Variants in XIRP2 observed in about 807,000 individuals in gnomAD.
The protein encoded by XIRP2 is xin actin-binding repeat-containing protein 2.
In XIRP2, 236 loss-of-function variants were observed where a neutral mutation model predicts 277.0. That is an observed-to-expected ratio of 0.85 (90% CI 0.77 to 0.95). The LOEUF (loss-of-function observed/expected upper bound fraction) is 0.95. Ranked by LOEUF, XIRP2 falls within the 40% of genes least tolerant of loss-of-function variation. The pLI, the probability that XIRP2 is intolerant of heterozygous loss-of-function variation, is 0.00. For synonymous variants in XIRP2, 1,490 were observed against 1,416.5 expected, an observed-to-expected ratio of 1.05 and a Z score of -1.17; for missense variants, 4,640 against 4,157.5, an observed-to-expected ratio of 1.12 and a Z score of -3.19.
intron 1 of XIRP2, among the ~76,000 whole-genome samples, chr2:166,892,808 G>GAT (rs113558500): frequency 0.45 from 64,206 of 143,008 alleles, 14,713 homozygotes; most frequent in East Asian, 0.63. Flanking sequence ...TTTCATAGAA[G>GAT]ATATATATAT....
At chr2:167,035,995 C>T (rs149628547) in intron 2 of XIRP2, among the ~76,000 whole-genome samples, 2 of 152,184 alleles carry the variant, frequency 1.3e-5, no homozygotes, top group Non-Finnish European at 2.9e-5. Flanking sequence ...AGTGTTGACC[C>T]CTTGGGTACA....
intron 3 of XIRP2, among the ~76,000 whole-genome samples, chr2:167,203,422 G>A (rs1693774914): frequency 6.6e-6 from 1 of 152,126 alleles, no homozygotes; most frequent in African/African-American, 2.4e-5. Flanking sequence ...ATGGATTTTT[G>A]GGAAGGTAAC....
chr2:167,122,484 T>C (rs1691083824), intron 2 of XIRP2, among the ~76,000 whole-genome samples: 1 of 152,130 alleles, frequency 6.6e-6, no homozygotes, highest in Non-Finnish European at 1.5e-5. Context: ...GCCCTACCCA[T>C]GGTGAATGGT....
chr2:167,121,510 A>G (rs2105304867), intron 2 of XIRP2, among the ~76,000 whole-genome samples: 1 of 152,328 alleles, frequency 6.6e-6, no homozygotes, highest in South Asian at 2.1e-4. Flanking sequence ...TAGATTTAAA[A>G]GGTTTAGCCA....
chr2:167,243,504 T>C lies in XIRP2; in HGVS notation c.2112T>C (p.Leu704=). 1 of 1,614,080 alleles carries C rather than the reference T, an allele frequency of 6.2e-7. No individual in the cohort carries two copies. Among genetic ancestry groups the C allele is most frequent in the Non-Finnish European group, 8.5e-7 (1 of 1,179,972 alleles). ...TTGAAACTCAACATCTAGATCAACT[T>C]GGACAGCTTCATTCAGTGGATGAGG... is the stretch of plus-strand genomic sequence containing the variant. ...YMFETQHLDQ[L]GQLHSVDEVH... is the part of the protein sequence containing the mutation. The change falls in exon 9 of 11, where the codon CTT becomes CTC. Residue 704 remains leucine, a synonymous_variant. Coordinates refer to ENST00000409195, the MANE Select transcript of XIRP2 (RefSeq NM_152381.6).
chr2:167,100,884 A>C (rs929126124), intron 2 of XIRP2, among the ~76,000 whole-genome samples: 1 of 152,226 alleles, frequency 6.6e-6, no homozygotes, highest in African/African-American at 2.4e-5. Flanking sequence ...TTTGGAAAAG[A>C]TAAAGCAGAA....
chr2:166,924,171 C>A (rs1480418881), intron 2 of XIRP2, among the ~76,000 whole-genome samples: 2 of 151,974 alleles, frequency 1.3e-5, no homozygotes, highest in Non-Finnish European at 2.9e-5. Context: ...ATTAGGAGAT[C>A]CACTTGGGAG....
chr2:166,897,244 T>C (rs1047171014), intron 1 of XIRP2, among the ~76,000 whole-genome samples: 1 of 152,200 alleles, frequency 6.6e-6, no homozygotes, highest in Non-Finnish European at 1.5e-5. Flanking sequence ...CATGTAATTC[T>C]TTCTGCACTG....
chr2:166,895,549 TAGAA>T (rs771092186), intron 1 of XIRP2, among the ~76,000 whole-genome samples: 54 of 152,254 alleles, frequency 3.5e-4, no homozygotes, highest in East Asian at 5.8e-4. Flanking sequence ...TTTCCTCAAT[TAGAA>T]AGAAGGGGAT....
intron 2 of XIRP2, among the ~76,000 whole-genome samples, chr2:166,922,703 C>G (rs1685083941): frequency 6.6e-6 from 1 of 151,562 alleles, no homozygotes; most frequent in Non-Finnish European, 1.5e-5. Context: ...CTGCAGCAAG[C>G]CGAGATCACA....
intron 1 of XIRP2, among the ~76,000 whole-genome samples, chr2:166,899,445 T>C (rs1437187759): frequency 6.6e-6 from 1 of 152,134 alleles, no homozygotes; most frequent in Non-Finnish European, 1.5e-5. Context: ...TTCTTCATGA[T>C]TTTCCTCTTT....
At chr2:167,029,381 C>T (rs1688263474) in intron 2 of XIRP2, among the ~76,000 whole-genome samples, 1 of 152,116 alleles carries the variant, frequency 6.6e-6, no homozygotes, top group Non-Finnish European at 1.5e-5. Context: ...TACGTTCCCT[C>T]AATACCTAGC....
At chr2:167,122,342 G>A (rs1327880010) in intron 2 of XIRP2, among the ~76,000 whole-genome samples, 2 of 152,126 alleles carry the variant, frequency 1.3e-5, no homozygotes, top group African/African-American at 4.8e-5. Context: ...TAAAATGAGA[G>A]CACAGTACAA....
chr2:167,015,309 C>A (rs1322258932), intron 2 of XIRP2, among the ~76,000 whole-genome samples: 3 of 151,878 alleles, frequency 2.0e-5, no homozygotes, highest in Non-Finnish European at 2.9e-5. Context: ...ATCTTCCCTA[C>A]TTTGAGGTGT....
chr2:167,094,078 C>CT (rs1234256934), intron 2 of XIRP2, among the ~76,000 whole-genome samples: 1 of 151,590 alleles, frequency 6.6e-6, no homozygotes, highest in African/African-American at 2.4e-5. Context: ...TGATGATGAG[C>CT]TTTTTTTCAT....
chr2:166,972,088 G>A (rs569967806), intron 2 of XIRP2, among the ~76,000 whole-genome samples: 3 of 152,014 alleles, frequency 2.0e-5, no homozygotes, highest in South Asian at 2.1e-4. Flanking sequence ...CCCACCTCCC[G>A]CCCCATAATG....
At position 166,938,716 on chromosome 2, in the gene XIRP2, T is replaced by A. The variant is rs202242265; in HGVS notation, c.408+34826T>A. Among the ~76,000 whole-genome samples, 88 of 152,332 alleles carry A rather than the reference T, an allele frequency of 5.8e-4. No homozygotes were observed. The East Asian group carries it at 8.7e-3, about 15-fold the overall frequency. ...GGGGTTTTAAAGTCTCCCATTATTA[T>A]TGTGTGGGAGTCTAAGTCTCTTTGT... On this transcript the variant is annotated intron_variant, in intron 2 of 10. Coordinates refer to ENST00000409195, the MANE Select transcript of XIRP2 (RefSeq NM_152381.6).
intron 2 of XIRP2, among the ~76,000 whole-genome samples, chr2:167,010,882 G>T (rs1687657265): frequency 6.6e-6 from 1 of 151,916 alleles, no homozygotes; most frequent in African/African-American, 2.4e-5. Flanking sequence ...GTCTGTTATT[G>T]GTGTATAAGA....
At chr2:167,217,693 G>A (rs1413913417) in intron 4 of XIRP2, among the ~76,000 whole-genome samples, 2 of 152,052 alleles carry the variant, frequency 1.3e-5, no homozygotes, top group Non-Finnish European at 2.9e-5. Flanking sequence ...ATATTCTGAG[G>A]CTATTTTGTT....
Sources: allele counts gnomAD v4.1 joint callset (sites outside exome capture counted in the v4.1 genomes callset), GRCh38; gene constraint gnomAD v4.1.1; transcripts MANE v1.5; gene names NCBI Gene and HGNC (gene_info 2026-07-23, HGNC 2026-07-21).